The following TOX variants were observed in gnomAD, a reference collection of about 807,000 sequenced individuals.
The protein encoded by TOX is thymocyte selection-associated high mobility group box protein TOX.
TOX carries 11 observed loss-of-function variants against 53.7 expected under a neutral mutation model. The observed-to-expected ratio is 0.20, with a 90% CI of 0.13 to 0.34. TOX has a LOEUF of 0.34. Among genes scored for constraint, TOX ranks in the 10% least tolerant of loss-of-function variants. The pLI, the probability that TOX is intolerant of heterozygous loss-of-function variation, is 1.00. For missense variants in TOX, 570 were observed against 664.6 expected, an observed-to-expected ratio of 0.86 and a Z score of 1.56; for synonymous variants, 225 against 245.3, an observed-to-expected ratio of 0.92 and a Z score of 0.77.
At chr8:59,088,345 A>C (rs553210415) in intron 1 of TOX, among the ~76,000 whole-genome samples, 7 of 152,230 alleles carry the variant, frequency 4.6e-5, no homozygotes, top group African/African-American at 1.7e-4. Flanking sequence ...AACAATGTGA[A>C]GGGAAATTCA....
intron 1 of TOX, among the ~76,000 whole-genome samples, chr8:59,097,272 A>G (rs928091166): frequency 1.3e-5 from 2 of 152,140 alleles, no homozygotes; most frequent in African/African-American, 4.8e-5. Flanking sequence ...GAGAAACCCC[A>G]AGGAACACAA....
chr8:59,054,999 G>GA (rs1224322190), intron 1 of TOX, among the ~76,000 whole-genome samples: 4 of 146,442 alleles, frequency 2.7e-5, no homozygotes, highest in Non-Finnish European at 6.1e-5. Context: ...GGAGGGAAAG[G>GA]AAAAAAAAAG....
chr8:58,909,396 C>A (rs186053257), intron 3 of TOX, among the ~76,000 whole-genome samples: 1 of 152,118 alleles, frequency 6.6e-6, no homozygotes, highest in Non-Finnish European at 1.5e-5. Flanking sequence ...AATAAAAATA[C>A]AGAATCTCAG....
At chr8:58,868,607 C>T (rs763921255) in intron 3 of TOX, among the ~76,000 whole-genome samples, 1 of 151,958 alleles carries the variant, frequency 6.6e-6, no homozygotes, top group Non-Finnish European at 1.5e-5. Flanking sequence ...TAAAATTTCT[C>T]AACATATGAA....
chr8:58,983,521 AG>A (rs1300598011), intron 1 of TOX, among the ~76,000 whole-genome samples: 1 of 152,264 alleles, frequency 6.6e-6, no homozygotes, highest in Non-Finnish European at 1.5e-5. Flanking sequence ...CATATGTAAA[AG>A]TGAGATCATG....
At chr8:59,019,428 A>T (rs544169684) in intron 1 of TOX, among the ~76,000 whole-genome samples, 1 of 152,240 alleles carries the variant, frequency 6.6e-6, no homozygotes, top group Non-Finnish European at 1.5e-5. Context: ...CACTAGGCAC[A>T]GAGAGAAAGA....
intron 2 of TOX, among the ~76,000 whole-genome samples, chr8:58,949,733 T>C (rs1211992485): frequency 6.6e-6 from 1 of 151,992 alleles, no homozygotes; most frequent in Non-Finnish European, 1.5e-5. Context: ...TGTGTTAAAT[T>C]GATTTTTGCT....
In TOX at chr8:59,118,117, C is replaced by G. The variant is rs2278957; in HGVS notation, c.102+769G>C. ...CCCGGGCCCCCGCGGCCCTGGCACC[C>G]GAGGTCAGCGGGCCGTGGGTACAGC... On this transcript the variant is annotated intron_variant, in intron 1 of 8. Transcript: ENST00000361421. This position sits in a 1 kb window ranked among gnomAD's most constrained non-coding sequence, Gnocchi z 4.1. Among the ~76,000 whole-genome samples, 16,232 of 152,250 alleles carry G rather than the reference C, an allele frequency of 0.11. 1,258 individuals are homozygous for G. The highest frequency in any genetic ancestry group is 0.31 in the East Asian group (1,584 of 5,150).
chr8:59,054,757 C>A (rs1803858643), intron 1 of TOX, among the ~76,000 whole-genome samples: 1 of 148,906 alleles, frequency 6.7e-6, no homozygotes. Context: ...CCAACAGCCA[C>A]CACAAGCTCA....
chr8:59,004,262 G>A (rs1813746607), intron 1 of TOX, among the ~76,000 whole-genome samples: 1 of 152,212 alleles, frequency 6.6e-6, no homozygotes, highest in Admixed American at 6.5e-5. Flanking sequence ...TTCTATTGCA[G>A]TATTCCATGT....
chr8:58,949,753 G>C (rs1273572365), intron 2 of TOX, among the ~76,000 whole-genome samples: 1 of 151,672 alleles, frequency 6.6e-6, no homozygotes, highest in African/African-American at 2.4e-5. Flanking sequence ...TTATGGCTAG[G>C]TTCTATTTGC....
chr8:58,885,680 C>G (rs967804086), intron 3 of TOX, among the ~76,000 whole-genome samples: 1 of 152,116 alleles, frequency 6.6e-6, no homozygotes, highest in African/African-American at 2.4e-5. Flanking sequence ...ACAAAGACCA[C>G]ATAAGTCCAT....
chr8:58,908,524 GA>G (rs1399371289), intron 3 of TOX, among the ~76,000 whole-genome samples: 1 of 152,132 alleles, frequency 6.6e-6, no homozygotes, highest in African/African-American at 2.4e-5. Flanking sequence ...CCTCAGATTT[GA>G]AAGTCTCTTG....
At chr8:58,875,353 A>C (rs1442391330) in intron 3 of TOX, among the ~76,000 whole-genome samples, 2 of 152,218 alleles carry the variant, frequency 1.3e-5, no homozygotes, top group Admixed American at 1.3e-4. Flanking sequence ...AAGATCTCGA[A>C]GTTAAAGGTA....
At chr8:59,094,602 T>G (rs1423355621) in intron 1 of TOX, among the ~76,000 whole-genome samples, 2 of 151,690 alleles carry the variant, frequency 1.3e-5, no homozygotes, top group Non-Finnish European at 2.9e-5. Flanking sequence ...ATAATAATTA[T>G]AAGTAATGAT....
intron 1 of TOX, among the ~76,000 whole-genome samples, chr8:59,100,818 T>G (rs1009339183): frequency 6.6e-6 from 1 of 152,182 alleles, no homozygotes; most frequent in Non-Finnish European, 1.5e-5. Context: ...TTCAGCCCAT[T>G]AAGGCATTAA....
At chr8:58,906,481 TA>T (rs1811816779) in intron 3 of TOX, among the ~76,000 whole-genome samples, 1 of 152,232 alleles carries the variant, frequency 6.6e-6, no homozygotes, top group Admixed American at 6.5e-5. Context: ...CCCATTTTAA[TA>T]ACACCATCTG....
At chr8:58,909,053 C>T (rs1038203884) in intron 3 of TOX, among the ~76,000 whole-genome samples, 9 of 152,162 alleles carry the variant, frequency 5.9e-5, no homozygotes, top group Non-Finnish European at 1.3e-4. Context: ...AACACAGAAA[C>T]ACTGTAGCTT....
chr8:59,003,434 T>C (rs1813730805), intron 1 of TOX, among the ~76,000 whole-genome samples: 1 of 152,182 alleles, frequency 6.6e-6, no homozygotes, highest in Non-Finnish European at 1.5e-5. Flanking sequence ...CTATTAGCGA[T>C]GGGATTTTAA....
Sources: gnomAD v4.1 joint callset for allele counts (sites outside exome capture counted in the v4.1 genomes callset) on GRCh38, gnomAD v4.1.1 for gene constraint, Gnocchi (gnomAD v3.1) non-coding constraint, MANE v1.5 for transcripts, NCBI Gene and HGNC (gene_info 2026-07-23, HGNC 2026-07-21) for gene names.